Variants in RBMS3 observed in about 807,000 individuals in gnomAD.
RBMS3 encodes RNA-binding motif, single-stranded-interacting protein 3.
Under a neutral mutation model 66.8 loss-of-function variants are expected in RBMS3, and 27 were observed. That is an observed-to-expected ratio of 0.40 (90% CI 0.30 to 0.56). The LOEUF (loss-of-function observed/expected upper bound fraction) is 0.56, where lower values mean the gene tolerates loss of function less well. RBMS3 is among the 20% of genes least tolerant of loss of function. The pLI is 0.40. For synonymous variants in RBMS3, 188 were observed against 183.0 expected, an observed-to-expected ratio of 1.03 and a Z score of -0.22; for missense variants, 513 against 549.5, an observed-to-expected ratio of 0.93 and a Z score of 0.66.
chr3:29,360,985 T>C (rs546651309), intron 1 of RBMS3, among the ~76,000 whole-genome samples: 2 of 152,108 alleles, frequency 1.3e-5, no homozygotes, highest in African/African-American at 4.8e-5. Flanking sequence ...CACTGATGGG[T>C]CTTGACTCTT....
intron 4 of RBMS3, among the ~76,000 whole-genome samples, chr3:29,681,559 TGTGTTCAA>T (rs2051498151): frequency 6.8e-6 from 1 of 146,524 alleles, no homozygotes; most frequent in South Asian, 2.2e-4. Flanking sequence ...CATGTGTCCA[TGTGTTCAA>T]TCATTCAGCT....
chr3:29,898,492 A>T (rs1179868588), intron 9 of RBMS3, among the ~76,000 whole-genome samples: 1 of 151,610 alleles, frequency 6.6e-6, no homozygotes, highest in Non-Finnish European at 1.5e-5. Context: ...GCTGTCAGAG[A>T]ATCAAACTTA....
At position 29,374,972 on chromosome 3, in the gene RBMS3, A is replaced by G. The variant is rs191318862; in HGVS notation, c.76-59771A>G. Among the ~76,000 whole-genome samples the G allele has an allele frequency of 5.9e-5, 9 of 152,316 alleles. 1 individual carries two copies. In the South Asian group the frequency reaches 1.0e-3, roughly 18 times the overall value. ...GGTGGCTTGAAATTGGCTTTCCGCT[A>G]CAGTAACCAAAACAGCATGGTACTA... On this transcript the variant is annotated intron_variant, in intron 1 of 14. Coordinates refer to ENST00000383767, the MANE Select transcript of RBMS3 (RefSeq NM_001003793.3).
chr3:29,283,073 T>C (rs1028176302), intron 1 of RBMS3, among the ~76,000 whole-genome samples: 1 of 152,070 alleles, frequency 6.6e-6, no homozygotes, highest in Non-Finnish European at 1.5e-5. Flanking sequence ...TTTTAACTCT[T>C]TGGGGGTGTT....
At chr3:29,832,272 ACTCTTT>A (rs2058388664) in intron 6 of RBMS3, among the ~76,000 whole-genome samples, 1 of 152,080 alleles carries the variant, frequency 6.6e-6, no homozygotes, top group African/African-American at 2.4e-5. Flanking sequence ...TTTGATGGAA[ACTCTTT>A]CTCTTATACC....
intron 4 of RBMS3, among the ~76,000 whole-genome samples, chr3:29,715,946 A>G (rs563811304): frequency 6.6e-6 from 1 of 152,114 alleles, no homozygotes; most frequent in Non-Finnish European, 1.5e-5. Flanking sequence ...TTGTTCTGCC[A>G]TATTATTTCT....
chr3:29,755,002 A>T (rs947437104), intron 5 of RBMS3, among the ~76,000 whole-genome samples: 4 of 152,136 alleles, frequency 2.6e-5, no homozygotes, highest in African/African-American at 9.7e-5. Context: ...CACATAGTTG[A>T]CCTGCTCTGA....
intron 3 of RBMS3, among the ~76,000 whole-genome samples, chr3:29,574,210 A>G (rs1298703805): frequency 6.6e-6 from 1 of 152,120 alleles, no homozygotes. Context: ...TTTAGCTCTA[A>G]TAATATTTGC....
chr3:29,884,749 G>A (rs1164106376), intron 8 of RBMS3, among the ~76,000 whole-genome samples: 2 of 151,846 alleles, frequency 1.3e-5, no homozygotes, highest in African/African-American at 2.4e-5. Context: ...TGAAAAACAA[G>A]TGTGAAACTA....
At chr3:29,679,135 A>C (rs541583700) in intron 4 of RBMS3, among the ~76,000 whole-genome samples, 2 of 152,198 alleles carry the variant, frequency 1.3e-5, no homozygotes, top group South Asian at 4.2e-4. Flanking sequence ...GTGTCTCTGC[A>C]AATGGAGTCC....
intron 4 of RBMS3, among the ~76,000 whole-genome samples, chr3:29,708,748 A>C (rs2053023391): frequency 6.6e-6 from 1 of 152,208 alleles, no homozygotes. Context: ...TAGATCTATT[A>C]GGAATCATCA....
At chr3:29,704,829 CA>C (rs1402344586) in intron 4 of RBMS3, among the ~76,000 whole-genome samples, 1 of 152,072 alleles carries the variant, frequency 6.6e-6, no homozygotes, top group African/African-American at 2.4e-5. Flanking sequence ...AACTTTGTTT[CA>C]ACATAAAAGT....
intron 4 of RBMS3, among the ~76,000 whole-genome samples, chr3:29,592,873 C>A (rs1392158516): frequency 6.6e-6 from 1 of 151,928 alleles, no homozygotes; most frequent in South Asian, 2.1e-4. Flanking sequence ...ATGGATGAAG[C>A]TGGAAACCAT....
At chr3:29,625,354 A>C (rs2049021747) in intron 4 of RBMS3, among the ~76,000 whole-genome samples, 1 of 152,132 alleles carries the variant, frequency 6.6e-6, no homozygotes, top group Non-Finnish European at 1.5e-5. Context: ...AACTTAGAAC[A>C]AGTGTAAGCA....
At chr3:29,530,332 T>C (rs931414658) in intron 3 of RBMS3, among the ~76,000 whole-genome samples, 1 of 152,138 alleles carries the variant, frequency 6.6e-6, no homozygotes, top group African/African-American at 2.4e-5. Flanking sequence ...AAATTTAGAA[T>C]TGTGAAATTT....
rs1286378846 is a variant in RBMS3 at position 29,595,412 on chromosome 3, A to AG, written c.399+8207_399+8208insG. On this transcript the variant is annotated intron_variant, in intron 4 of 14. Coordinates refer to ENST00000383767, the MANE Select transcript of RBMS3 (RefSeq NM_001003793.3). ...AGAGTCAGTCTAAAAAAAAAAAAAA[A>AG]AAAGAAAAGAAAGAAAGAAAAGAAA... Among the ~76,000 whole-genome samples the AG allele has an allele frequency of 4.0e-3, 602 of 151,426 alleles. 9 individuals carry two copies. The highest frequency in any genetic ancestry group is 0.014 in the African/African-American group (568 of 41,226).
intron 2 of RBMS3, among the ~76,000 whole-genome samples, chr3:29,465,834 G>A (rs1220819912): frequency 6.6e-6 from 1 of 152,114 alleles, no homozygotes; most frequent in African/African-American, 2.4e-5. Context: ...TCTTACAGAT[G>A]TGCTTTGTTA....
intron 1 of RBMS3, among the ~76,000 whole-genome samples, chr3:29,309,330 C>G (rs2034227254): frequency 6.6e-6 from 1 of 151,528 alleles, no homozygotes; most frequent in Non-Finnish European, 1.5e-5. Context: ...TCTGTAGCTG[C>G]CTAGAAGTCT....
chr3:29,436,517 A>G (rs2041409699), intron 2 of RBMS3, among the ~76,000 whole-genome samples: 1 of 152,242 alleles, frequency 6.6e-6, no homozygotes, highest in African/African-American at 2.4e-5. Flanking sequence ...GAGGTTGAGA[A>G]TCAGAAGATA....
Sources: allele counts gnomAD v4.1 joint callset (sites outside exome capture counted in the v4.1 genomes callset), GRCh38; gene constraint gnomAD v4.1.1; transcripts MANE v1.5; gene names NCBI Gene and HGNC (gene_info 2026-07-23, HGNC 2026-07-21).